RSRP1: variants seen among roughly 807,000 people sequenced by gnomAD.
RSRP1 encodes arginine/serine-rich protein 1.
RSRP1 carries 37 observed loss-of-function variants against 33.0 expected under a neutral mutation model. That is an observed-to-expected ratio of 1.12 (90% CI 0.86 to 1.48). The LOEUF is 1.48. Ranked by LOEUF, RSRP1 falls within the 40% of genes most tolerant of loss-of-function variation. RSRP1 has a pLI of 0.00. For missense variants in RSRP1, 402 were observed against 385.3 expected, an observed-to-expected ratio of 1.04 and a Z score of -0.36; for synonymous variants, 167 against 158.7, an observed-to-expected ratio of 1.05 and a Z score of -0.40.
intron 1 of RSRP1, among the ~76,000 whole-genome samples, chr1:25,259,184 C>T (rs528163331): frequency 1.3e-5 from 2 of 152,012 alleles, no homozygotes; most frequent in Non-Finnish European, 2.9e-5. Flanking sequence ...ACCTCTGCCT[C>T]CTGGGTTCAA....
chr1:25,285,099 G>C (rs149730588), intron 1 of RSRP1, among the ~76,000 whole-genome samples: 2,342 of 132,876 alleles, frequency 0.018, 264 homozygotes, highest in African/African-American at 0.057. Flanking sequence ...GTTAGACAGA[G>C]AGAAATAGAC....
In RSRP1 at chr1:25,284,746, A is replaced by G. The variant is rs1307899222; in HGVS notation, c.-66-37717T>C. 5.0e-6 allele frequency: 7 copies of G among 1,388,942 alleles called. No homozygotes were observed. The Admixed American group carries it at 5.3e-5, about 11-fold the overall frequency. The allele number at this position is 1,388,942 out of a possible 1,614,324, so 86.0% of individuals were successfully genotyped here. A position where few individuals can be genotyped will look rare whatever the true frequency, so the allele number is the denominator to read the frequency against. On this transcript the variant is annotated intron_variant, in intron 1 of 1. Coordinates refer to the RSRP1 transcript ENST00000561867. ...CCAGTTCCCTTCTGGGAAGGTGGTC[A>G]TCACACTGTTCAGGTATTGGGATGG... is the stretch of plus-strand genomic sequence containing the variant.
chr1:25,252,357 C>T (rs565042707), upstream of RSRP1, among the ~76,000 whole-genome samples: 1 of 151,838 alleles, frequency 6.6e-6, no homozygotes, highest in African/African-American at 2.4e-5. Flanking sequence ...ATAGAAGGTG[C>T]ATTGAGCAAA....
In RSRP1 at chr1:25,246,970, C is replaced by T. The variant is rs1188222297; in HGVS notation, c.-7G>A. The T allele has an allele frequency of 1.3e-6, 2 of 1,561,638 alleles. No homozygotes were observed. ...CGTTCACGTAGTTGGACATCTTCAC[C>T]TGCGGCTTTAGCCTGCGCTTTCTCC... On this transcript the variant is annotated 5_prime_UTR_variant, in exon 2 of 5. Transcript: ENST00000243189.
intron 1 of RSRP1, among the ~76,000 whole-genome samples, chr1:25,320,284 T>G (rs1644630991): frequency 7.6e-6 from 1 of 132,160 alleles, no homozygotes; most frequent in Admixed American, 7.4e-5. Flanking sequence ...CTACACACCT[T>G]TTCCACGTTA....
Position 25,246,748 on chromosome 1 carries a change from C to A in RSRP1, c.216G>T (p.Arg72=). ...SRSRSRRRHQ[R]KYRRYSRSYS... ...ATGACCGCGAGTAGCGCCTGTACTT[C>A]CGCTGGTGGCGCCTTCGGGAACGGG... Residue 72 remains arginine (R), a synonymous_variant, in exon 2 of 5, where the codon CGG becomes CGT. Transcript: ENST00000243189. 6.2e-7 allele frequency: 1 copy of A among 1,609,182 alleles called. No individual in the cohort carries two copies. Among genetic ancestry groups the A allele is most frequent in the Non-Finnish European group, 8.5e-7 (1 of 1,176,522 alleles).
At chr1:25,314,988 A>G (rs1447626425) in intron 1 of RSRP1, among the ~76,000 whole-genome samples, 2 of 129,568 alleles carry the variant, frequency 1.5e-5, no homozygotes, top group Non-Finnish European at 1.8e-5. Flanking sequence ...GCGGATCACA[A>G]GGTCAAGAGA....
At chr1:25,249,406 T>C (rs1203395190), upstream of RSRP1, among the ~76,000 whole-genome samples, 1 of 152,200 alleles carries the variant, frequency 6.6e-6, no homozygotes, top group African/African-American at 2.4e-5. Context: ...GGTGTGATCT[T>C]GGGCTCACTG....
intron 1 of RSRP1, chr1:25,304,816 GA>G (rs1228075429): frequency 1.5e-5 from 2 of 131,522 alleles, no homozygotes; most frequent in African/African-American, 5.2e-5. Flanking sequence ...CTCTGGCTTT[GA>G]AACCCTGAAA....
intron 1 of RSRP1, among the ~76,000 whole-genome samples, chr1:25,311,975 G>A (rs1402592791): frequency 2.4e-5 from 3 of 126,892 alleles, no homozygotes; most frequent in Non-Finnish European, 3.7e-5. Context: ...TGGGGCCACC[G>A]CCAAGACCCC....
In RSRP1 at chr1:25,254,670, G is replaced by A. The variant is rs372645158; in HGVS notation, c.-66-7641C>T. Among the ~76,000 whole-genome samples, 9 of 152,050 alleles carry A rather than the reference G, an allele frequency of 5.9e-5. No individual in the cohort carries two copies. In the South Asian group the frequency reaches 6.2e-4, roughly 11 times the overall value. ...AGGCTGGTCTCGAACTCCTGATCTC[G>A]TGATCTGCCCACCTCAGCCTCCCAG... On this transcript the variant is annotated intron_variant, in intron 1 of 1. Coordinates refer to the RSRP1 transcript ENST00000561867.
At position 25,270,155 on chromosome 1, in the gene RSRP1, G is replaced by T. The variant is rs370563847; in HGVS notation, c.-66-23126C>A. On this transcript the variant is annotated intron_variant, in intron 1 of 1. Transcript: ENST00000561867. ...TGACTGCCAGAAATAGAGCAGAAAT[G>T]AGAACCAGGAGGCAATTGTGAGAGG... Among the ~76,000 whole-genome samples, 2 of 132,000 alleles carry T rather than the reference G, an allele frequency of 1.5e-5. 1 individual carries two copies. Among genetic ancestry groups the T allele is most frequent in the Non-Finnish European group, 3.6e-5 (2 of 55,640 alleles). The allele number at this position is 132,000 out of a possible 152,430, so 86.6% of individuals were successfully genotyped here. A position where few individuals can be genotyped will look rare whatever the true frequency, so the allele number is the denominator to read the frequency against.
At chr1:25,248,651 C>CT (rs1345727462), upstream of RSRP1, among the ~76,000 whole-genome samples, 1 of 152,170 alleles carries the variant, frequency 6.6e-6, no homozygotes, top group Non-Finnish European at 1.5e-5. Flanking sequence ...AAGCCACTTT[C>CT]TTTAGAGGGA....
At chr1:25,292,105 G>A (rs1330249065) in intron 1 of RSRP1, among the ~76,000 whole-genome samples, 2 of 132,220 alleles carry the variant, frequency 1.5e-5, no homozygotes, top group East Asian at 3.9e-4. Context: ...TAATATGAGG[G>A]TAGCAGTACT....
At chr1:25,258,212 G>C (rs932242471) in intron 1 of RSRP1, among the ~76,000 whole-genome samples, 1 of 152,000 alleles carries the variant, frequency 6.6e-6, no homozygotes, top group African/African-American at 2.4e-5. Context: ...ACAGAGTCTC[G>C]ATCTGTTGCC....
chr1:25,261,147 C>A (rs554636063), intron 1 of RSRP1, among the ~76,000 whole-genome samples: 87 of 152,262 alleles, frequency 5.7e-4, no homozygotes, highest in African/African-American at 2.1e-3. Flanking sequence ...TAGGGCTCCA[C>A]CCTCATGACC....
chr1:25,272,680 G>A lies in RSRP1; in HGVS notation c.-66-25651C>T, dbSNP rs748833614. Reference sequence around the variant, plus strand: ...TTCCTTAGAGGATCAAAAGGGGCTCGTGGCATCCTATCAAGGTGAGAGTTC... The same window carrying A: ...TTCCTTAGAGGATCAAAAGGGGCTCATGGCATCCTATCAAGGTGAGAGTTC... On this transcript the variant is annotated intron_variant, in intron 1 of 1. Transcript: ENST00000561867. 39 of 1,550,772 alleles carry A rather than the reference G, an allele frequency of 2.5e-5. 2 individuals carry two copies. Among genetic ancestry groups the A allele is most frequent in the South Asian group, 1.3e-4 (12 of 89,982 alleles).
In RSRP1 at chr1:25,301,957, A is replaced by G. The variant is rs547369345; in HGVS notation, c.-67+36021T>C. On this transcript the variant is annotated intron_variant, in intron 1 of 1. Transcript: ENST00000561867. ...TGAAACAGACCTCAGTTTGAACCCC[A>G]TTTCTGCTAGTTGCTAAAGTCAGTC... is the stretch of plus-strand genomic sequence containing the variant. 9.4e-3 allele frequency among the ~76,000 whole-genome samples: 1,226 copies of G among 129,856 alleles called. 94 individuals are homozygous for G. The highest frequency in any genetic ancestry group is 0.013 in the Non-Finnish European group (712 of 54,516). 85.2% of individuals were successfully genotyped at this position (129,856 alleles called of 152,430 possible).
chr1:25,252,932 G>C (rs1639835391), intron 1 of RSRP1, among the ~76,000 whole-genome samples: 1 of 152,176 alleles, frequency 6.6e-6, no homozygotes, highest in Non-Finnish European at 1.5e-5. Context: ...TATTTTCAAG[G>C]TTTTGTTTAT....
Sources: gnomAD v4.1 joint callset for allele counts (sites outside exome capture counted in the v4.1 genomes callset) on GRCh38, gnomAD v4.1.1 for gene constraint, MANE v1.5 for transcripts, NCBI Gene and HGNC (gene_info 2026-07-23, HGNC 2026-07-21) for gene names.